FGF14: variants seen among roughly 807,000 people sequenced by gnomAD.
FGF14 encodes fibroblast growth factor homologous factor 4.
Under a neutral mutation model 25.5 loss-of-function variants are expected in FGF14, and 5 were observed. The ratio of observed to expected loss-of-function variants is 0.20; its 90% CI spans 0.10 to 0.41. The LOEUF (loss-of-function observed/expected upper bound fraction) is 0.41. FGF14 is among the 10% of genes least tolerant of loss of function. The pLI, the probability that FGF14 is intolerant of heterozygous loss-of-function variation, is 1.00. For synonymous variants in FGF14, 138 were observed against 118.3 expected (o/e 1.17, Z -1.08); for missense variants, 222 against 320.1 (o/e 0.69, Z 2.34).
At chr13:102,241,602 A>G (rs753673204) in intron 1 of FGF14, among the ~76,000 whole-genome samples, 2 of 152,190 alleles carry the variant, frequency 1.3e-5, no homozygotes, top group African/African-American at 2.4e-5. Flanking sequence ...TGATCTGTCC[A>G]CCTGCTTTGC....
At chr13:102,261,122 G>C (rs1267586618) in intron 1 of FGF14, among the ~76,000 whole-genome samples, 1 of 152,156 alleles carries the variant, frequency 6.6e-6, no homozygotes, top group Admixed American at 6.5e-5. Flanking sequence ...AATGACATCA[G>C]GCCCCAGCAA....
At chr13:101,745,341 C>G (rs9585767) in intron 3 of FGF14, among the ~76,000 whole-genome samples, 25 of 152,012 alleles carry the variant, frequency 1.6e-4, no homozygotes, top group African/African-American at 6.0e-4. Flanking sequence ...ATCAATGAAC[C>G]TACATTGGCA....
At chr13:101,909,373 A>G (rs1424616171) in intron 1 of FGF14, among the ~76,000 whole-genome samples, 4 of 152,224 alleles carry the variant, frequency 2.6e-5, no homozygotes, top group Non-Finnish European at 4.4e-5. Context: ...AGAATCTACA[A>G]TGAACTCAGA....
chr13:101,808,141 T>C (rs562979708), intron 3 of FGF14, among the ~76,000 whole-genome samples: 50 of 152,144 alleles, frequency 3.3e-4, no homozygotes, highest in African/African-American at 1.1e-3. Flanking sequence ...AACTAATGAA[T>C]ATTTCCAAAA....
intron 1 of FGF14, among the ~76,000 whole-genome samples, chr13:102,239,434 C>CATTCCTAG (rs2051483947): frequency 6.6e-6 from 1 of 152,154 alleles, no homozygotes; most frequent in Non-Finnish European, 1.5e-5. Context: ...CTGGGTTGGG[C>CATTCCTAG]ATTCCTAGCC....
At chr13:102,229,381 C>T (rs865947777) in intron 1 of FGF14, among the ~76,000 whole-genome samples, 6 of 152,192 alleles carry the variant, frequency 3.9e-5, no homozygotes, top group South Asian at 2.1e-4. Flanking sequence ...CAGCTTAGAA[C>T]GACTATTATC....
chr13:102,309,799 T>C (rs1206346599), intron 1 of FGF14, among the ~76,000 whole-genome samples: 2 of 152,176 alleles, frequency 1.3e-5, no homozygotes, highest in African/African-American at 4.8e-5. Flanking sequence ...CTGGCTCTTT[T>C]CCCCTCCTTC....
chr13:102,148,627 G>A (rs2046951975), intron 1 of FGF14, among the ~76,000 whole-genome samples: 2 of 152,030 alleles, frequency 1.3e-5, no homozygotes. Context: ...TGGGCAACAG[G>A]GTGAAACCCC....
At chr13:102,018,607 T>C (rs2040469281) in intron 1 of FGF14, among the ~76,000 whole-genome samples, 2 of 151,410 alleles carry the variant, frequency 1.3e-5, no homozygotes, top group African/African-American at 4.9e-5. Flanking sequence ...TCCTCTTCCT[T>C]CTCTGGCCCT....
At chr13:101,739,016 A>C (rs2036368651) in intron 3 of FGF14, among the ~76,000 whole-genome samples, 1 of 146,634 alleles carries the variant, frequency 6.8e-6, no homozygotes, top group Admixed American at 6.9e-5. Flanking sequence ...ATATCTATCT[A>C]TATATATATA....
At position 101,726,807 on chromosome 13, in the gene FGF14, G is replaced by C. The variant is rs1243730402; in HGVS notation, c.412C>G (p.Leu138Val). The C allele has an allele frequency of 6.2e-7, 1 of 1,606,280 alleles. No individual in the cohort carries two copies. The highest frequency in any genetic ancestry group is 8.5e-7 in the Non-Finnish European group (1 of 1,176,700). The change falls in exon 4 of 5, where the codon CTT (leucine) becomes GTT (valine). Residue 138 changes from leucine to valine, a missense_variant. By Grantham distance (32) the Leu-to-Val change is conservative. This residue lies in a region of FGF14 where 15 missense variants were observed against 55.7 expected (regional missense o/e 0.27). Coordinates refer to ENST00000376143, the MANE Select transcript of FGF14 (RefSeq NM_004115.4). The part of the protein sequence containing the change: ...NGEGYLYPSE[L>V]FTPECKFKES... The stretch of plus-strand genomic sequence containing the variant: ...TTAAACTTGCATTCAGGGGTAAAAA[G>C]TTCCTGTGGAGAGAAAATGAAACAA...
chr13:102,186,921 C>A (rs76245724), intron 1 of FGF14, among the ~76,000 whole-genome samples: 5,540 of 152,222 alleles, frequency 0.036, 145 homozygotes, highest in Non-Finnish European at 0.057. Flanking sequence ...AAGTTACATA[C>A]ACAGCACACA....
chr13:102,178,794 G>A (rs2048549156), intron 1 of FGF14, among the ~76,000 whole-genome samples: 2 of 151,944 alleles, frequency 1.3e-5, no homozygotes, highest in Non-Finnish European at 2.9e-5. Context: ...CACAAAAGTT[G>A]TGAGATATAT....
chr13:101,726,957 G>C, intron 3 of FGF14, 147 bp from the exon 4 acceptor site: 1 of 604,918 alleles, frequency 1.7e-6, no homozygotes, highest in Non-Finnish European at 2.9e-6. Context: ...CACAGTAATT[G>C]TCTATACATT....
At chr13:101,862,032 G>C (rs899797886) in intron 3 of FGF14, among the ~76,000 whole-genome samples, 1 of 152,106 alleles carries the variant, frequency 6.6e-6, no homozygotes, top group African/African-American at 2.4e-5. Context: ...AGGGGAAATA[G>C]GTGAATGTGT....
intron 1 of FGF14, among the ~76,000 whole-genome samples, chr13:102,056,733 G>C (rs1345244289): frequency 6.7e-6 from 1 of 150,088 alleles, no homozygotes. Flanking sequence ...ATTCAACAAT[G>C]AATACCAGAA....
chr13:101,925,979 T>C (rs1471338990), intron 1 of FGF14, among the ~76,000 whole-genome samples: 1 of 152,170 alleles, frequency 6.6e-6, no homozygotes, highest in Non-Finnish European at 1.5e-5. Flanking sequence ...CATTGTCACA[T>C]TTCCTACTAC....
rs371425146 is a variant in FGF14 at position 102,051,106 on chromosome 13, C to T, written c.209-175810G>A. 7.9e-5 allele frequency among the ~76,000 whole-genome samples: 12 copies of T among 152,280 alleles called. No homozygotes were observed. The East Asian group carries it at 1.5e-3, about 20-fold the overall frequency. On this transcript the variant is annotated intron_variant, in intron 1 of 4. Transcript: ENST00000376131. ...ATTACAGGCCCAGGCTTGGTGGCTG[C>T]GTTAAGCCCACTCATGTCTCAGGCA...
intron 1 of FGF14, among the ~76,000 whole-genome samples, chr13:102,065,670 C>T (rs1352510587): frequency 6.6e-6 from 1 of 151,816 alleles, no homozygotes; most frequent in Non-Finnish European, 1.5e-5. Context: ...CCTCAGTATC[C>T]CTGGATTCTG....
Sources: gnomAD v4.1 joint callset for allele counts (sites outside exome capture counted in the v4.1 genomes callset) on GRCh38, gnomAD v4.1.1 for gene constraint, gnomAD v4.1.1 regional missense constraint, MANE v1.5 for transcripts, NCBI Gene and HGNC (gene_info 2026-07-23, HGNC 2026-07-21) for gene names.